The following MDGA1 variants were observed in gnomAD, a reference collection of about 807,000 sequenced individuals.
The protein encoded by MDGA1 is MAM domain containing glycosylphosphatidylinositol anchor 1.
In MDGA1, 54 loss-of-function variants were observed where a neutral mutation model predicts 101.5. The observed-to-expected ratio is 0.53, with a 90% CI of 0.43 to 0.67. The LOEUF (loss-of-function observed/expected upper bound fraction) is 0.67. MDGA1 is among the 30% of genes least tolerant of loss of function. The probability of loss-of-function intolerance (pLI) is 0.00; values close to 1 mark genes in which losing one functional copy is unlikely to be tolerated. For synonymous variants in MDGA1, 533 were observed against 558.3 expected (o/e 0.95, Z 0.64); for missense variants, 1,083 against 1,323.8 (o/e 0.82, Z 2.82).
intron 13 of MDGA1, among the ~76,000 whole-genome samples, 159 bp from the exon 14 acceptor site, chr6:37,644,102 G>A (rs1249959513): frequency 5.8e-5 from 2 of 34,320 alleles, no homozygotes; most frequent in Non-Finnish European, 1.8e-4. Context: ...CACACATCCT[G>A]CCTCACCCCA....
chr6:37,653,321 A>T (rs1738456), intron 6 of MDGA1, among the ~76,000 whole-genome samples: 43,026 of 152,124 alleles, frequency 0.28, 7,130 homozygotes, highest in African/African-American at 0.46. Flanking sequence ...TCACAGTTTT[A>T]AACCTTCTTT....
At position 37,637,159 on chromosome 6, in the gene MDGA1, G is replaced by A. The variant is rs375575371; in HGVS notation, c.*209C>T. 6.5e-5 allele frequency: 36 copies of A among 551,794 alleles called. No individual in the cohort carries two copies. The highest frequency in any genetic ancestry group is 2.7e-4 in the East Asian group (9 of 33,746). The allele number at this position is 551,794 out of a possible 1,614,324, so 34.2% of individuals were successfully genotyped here. A position where few individuals can be genotyped will look rare whatever the true frequency, so the allele number is the denominator to read the frequency against. ...TGTGTGTGTGAGCATGAGTGTGTGC[G>A]TGTGTGCAAGTGGAACAGCTGTCTC... is the stretch of plus-strand genomic sequence containing the variant. On this transcript the variant is annotated 3_prime_UTR_variant, in exon 17 of 17. Transcript: ENST00000434837.
rs1008336813 is a variant in MDGA1 at position 37,632,023 on chromosome 6, T to C, written c.*5345A>G. On this transcript the variant is annotated 3_prime_UTR_variant, in exon 17 of 17. Transcript: ENST00000434837. Reference sequence around the variant, plus strand: ...CTCCCCTTCCTTGAGCCTTCTAAGTTTTTGGGCCCTGTTGGCCTTTGCATA... The same window carrying C: ...CTCCCCTTCCTTGAGCCTTCTAAGTCTTTGGGCCCTGTTGGCCTTTGCATA... 4 of 152,248 alleles carry C rather than the reference T, an allele frequency of 2.6e-5. No individual in the cohort carries two copies. Among genetic ancestry groups the C allele is most frequent in the African/African-American group, 9.7e-5 (4 of 41,440 alleles). The allele number at this position is 152,248 out of a possible 1,614,324, so 9.4% of individuals were successfully genotyped here. A position where few individuals can be genotyped will look rare whatever the true frequency, so the allele number is the denominator to read the frequency against.
Position 37,655,094 on chromosome 6 carries a change from T to C in MDGA1, c.580-162A>G. ...CATTTAGCCCCAGGGGTCCTGAGCC[T>C]GGGGTGGATGCTACACTCTCCATAG... On this transcript the variant is annotated intron_variant, in intron 4 of 16. Transcript: ENST00000434837. The surrounding 1 kb of genome is among the most constrained non-coding windows in gnomAD (Gnocchi z 5.1). 1 of 797,968 alleles carries C rather than the reference T, an allele frequency of 1.3e-6. No individual in the cohort carries two copies. The highest frequency in any genetic ancestry group is 1.9e-6 in the Non-Finnish European group (1 of 513,076). The allele number at this position is 797,968 out of a possible 1,614,324, so 49.4% of individuals were successfully genotyped here.
intron 1 of MDGA1, among the ~76,000 whole-genome samples, chr6:37,672,589 C>T (rs1200228493): frequency 6.6e-6 from 1 of 152,152 alleles, no homozygotes; most frequent in African/African-American, 2.4e-5. Context: ...GGAGTGGCTG[C>T]AAAATTCCCC....
In MDGA1 at chr6:37,655,596, A is replaced by T; in HGVS notation, c.579+104T>A. ...GAATGTGTGTTTCCAAAGTAAGAATAGAATTGTTGAAGTCAAGGCAGTCCC... is the reference window on the plus strand; with the variant it reads ...GAATGTGTGTTTCCAAAGTAAGAATTGAATTGTTGAAGTCAAGGCAGTCCC... On this transcript the variant is annotated intron_variant, in intron 4 of 16. Coordinates refer to ENST00000434837, the MANE Select transcript of MDGA1 (RefSeq NM_153487.4). This position sits in a 1 kb window ranked among gnomAD's most constrained non-coding sequence, Gnocchi z 5.1. 1.2e-6 allele frequency: 1 copy of T among 811,046 alleles called. No homozygotes were observed. Among genetic ancestry groups the T allele is most frequent in the Non-Finnish European group, 1.9e-6 (1 of 515,416 alleles). 50.2% of individuals were successfully genotyped at this position (811,046 alleles called of 1,614,324 possible).
intron 3 of MDGA1, among the ~76,000 whole-genome samples, chr6:37,656,491 G>A (rs1419281755): frequency 6.6e-6 from 1 of 151,758 alleles, no homozygotes; most frequent in African/African-American, 2.4e-5. Context: ...TCCCACCTCA[G>A]CCTCCTGAAT....
intron 3 of MDGA1, 147 bp downstream of exon 3, chr6:37,658,098 A>C: frequency 2.3e-6 from 2 of 856,330 alleles, no homozygotes; most frequent in Non-Finnish European, 1.7e-6. Context: ...GGTGGTACAC[A>C]CCGCCTGGTA....
chr6:37,684,992 A>C (rs750233439), intron 1 of MDGA1, among the ~76,000 whole-genome samples: 9 of 152,142 alleles, frequency 5.9e-5, no homozygotes, highest in Admixed American at 3.3e-4. Flanking sequence ...AAATGCCTTC[A>C]TCAAGAGTTT....
At chr6:37,646,033 G>C (rs1050854596) in intron 11 of MDGA1, 77 bp from the exon 12 acceptor site, 1 of 1,604,608 alleles carries the variant, frequency 6.2e-7, no homozygotes, top group Non-Finnish European at 8.5e-7. Context: ...TGGGACCAGA[G>C]GACAGGGTCC....
intron 2 of MDGA1, among the ~76,000 whole-genome samples, chr6:37,659,725 C>A (rs553989890): frequency 6.6e-6 from 1 of 152,274 alleles, no homozygotes; most frequent in South Asian, 2.1e-4. Flanking sequence ...GGAGGGACCA[C>A]CCAGGACCAC....
Position 37,697,791 on chromosome 6 carries a change from C to CGGGCGGGGCCGGGCCGGGCTCCG in MDGA1, c.-1003_-981dup, listed in dbSNP as rs1561869680. On this transcript the variant is annotated 5_prime_UTR_variant, in exon 1 of 17. Transcript: ENST00000434837. Reference sequence around the variant, plus strand: ...GGCCTTGGCCTGCGGGGGCCCAGAGCGGGCGGGGCCGGGCCGGGCTCCGGG... The same window carrying CGGGCGGGGCCGGGCCGGGCTCCG: ...GGCCTTGGCCTGCGGGGGCCCAGAGCGGGCGGGGCCGGGCCGGGCTCCGGGGCGGGGCCGGGCCGGGCTCCGGG... 6.7e-6 allele frequency: 1 copy of CGGGCGGGGCCGGGCCGGGCTCCG among 148,976 alleles called. No individual in the cohort carries two copies. The highest frequency in any genetic ancestry group is 2.4e-5 in the African/African-American group (1 of 41,012). The allele number at this position is 148,976 out of a possible 1,614,324, so 9.2% of individuals were successfully genotyped here. A position where few individuals can be genotyped will look rare whatever the true frequency, so the allele number is the denominator to read the frequency against.
Position 37,635,411 on chromosome 6 carries a change from C to G in MDGA1, c.*1957G>C. ...CTGCACAGATGGGACAGTTAAGGAA[C>G]AATACCCGACAGACGCGATGGAAGT... is the stretch of plus-strand genomic sequence containing the variant. On this transcript the variant is annotated 3_prime_UTR_variant, in exon 17 of 17. Coordinates refer to ENST00000434837, the MANE Select transcript of MDGA1 (RefSeq NM_153487.4). The G allele has an allele frequency of 2.5e-6, 1 of 398,430 alleles. No individual in the cohort carries two copies. Among genetic ancestry groups the G allele is most frequent in the Non-Finnish European group, 4.4e-6 (1 of 226,106 alleles). The allele number at this position is 398,430 out of a possible 1,614,324, so 24.7% of individuals were successfully genotyped here. A position where few individuals can be genotyped will look rare whatever the true frequency, so the allele number is the denominator to read the frequency against.
At chr6:37,686,018 C>T (rs1291818979) in intron 1 of MDGA1, among the ~76,000 whole-genome samples, 3 of 152,166 alleles carry the variant, frequency 2.0e-5, no homozygotes, top group African/African-American at 7.2e-5. Context: ...AAAGACTGCT[C>T]ATCACCCACC....
chr6:37,651,129 C>T lies in MDGA1; in HGVS notation c.1313-724G>A, dbSNP rs141636589. ...CTGAGGACTTGGTGGAGCAGAGCCC[C>T]TATACTAGCCCTGACTGCTCACCAG... On this transcript the variant is annotated intron_variant, in intron 7 of 16. Coordinates refer to ENST00000434837, the MANE Select transcript of MDGA1 (RefSeq NM_153487.4). Among the ~76,000 whole-genome samples the T allele has an allele frequency of 5.7e-4, 87 of 152,346 alleles. 1 individual carries two copies. The East Asian group carries it at 0.013, about 22-fold the overall frequency.
At chr6:37,661,905 C>T (rs567140650) in intron 2 of MDGA1, among the ~76,000 whole-genome samples, 98 of 152,026 alleles carry the variant, frequency 6.4e-4, no homozygotes, top group African/African-American at 2.2e-3. Flanking sequence ...CCGTAATCCC[C>T]GCACTTTGAG....
chr6:37,655,281 T>C lies in MDGA1; in HGVS notation c.580-349A>G. The stretch of plus-strand genomic sequence containing the variant: ...CATGGGGCTGGCCTGCAGCCACCGC[T>C]GAAAGCCCTCCTTGGCAGAATGGCA... On this transcript the variant is annotated intron_variant, in intron 4 of 16. Coordinates refer to ENST00000434837, the MANE Select transcript of MDGA1 (RefSeq NM_153487.4). The surrounding 1 kb of genome is among the most constrained non-coding windows in gnomAD (Gnocchi z 5.1). 1 of 361,354 alleles carries C rather than the reference T, an allele frequency of 2.8e-6. No individual in the cohort carries two copies. The highest frequency in any genetic ancestry group is 5.0e-6 in the Non-Finnish European group (1 of 198,718). The allele number at this position is 361,354 out of a possible 1,614,324, so 22.4% of individuals were successfully genotyped here. A position where few individuals can be genotyped will look rare whatever the true frequency, so the allele number is the denominator to read the frequency against.
At chr6:37,686,036 C>T (rs868837437) in intron 1 of MDGA1, among the ~76,000 whole-genome samples, 12 of 152,194 alleles carry the variant, frequency 7.9e-5, no homozygotes, top group African/African-American at 2.4e-4. Flanking sequence ...ACCCAATACC[C>T]ACTCTCCCTT....
At chr6:37,666,021 T>C (rs890015546) in intron 1 of MDGA1, among the ~76,000 whole-genome samples, 3 of 152,106 alleles carry the variant, frequency 2.0e-5, no homozygotes, top group South Asian at 2.1e-4. Flanking sequence ...CCTATTAGGA[T>C]GGCTACCCCA....
Sources: allele counts gnomAD v4.1 joint callset (sites outside exome capture counted in the v4.1 genomes callset), GRCh38; gene constraint gnomAD v4.1.1; non-coding constraint Gnocchi (gnomAD v3.1); transcripts MANE v1.5; gene names NCBI Gene and HGNC (gene_info 2026-07-23, HGNC 2026-07-21).